The following PCDHGA4 variants were observed in gnomAD, a reference collection of about 807,000 sequenced individuals.
The protein encoded by PCDHGA4 is protocadherin gamma-A4.
A neutral mutation model predicts 54.6 loss-of-function variants in PCDHGA4; 38 were observed. That is an observed-to-expected ratio of 0.70 (90% CI 0.54 to 0.91). The LOEUF is 0.91. Ranked by LOEUF, PCDHGA4 falls within the 40% of genes least tolerant of loss-of-function variation. The pLI, the probability that PCDHGA4 is intolerant of heterozygous loss-of-function variation, is 0.00. For synonymous variants in PCDHGA4, 511 were observed against 512.9 expected, an observed-to-expected ratio of 1.00 and a Z score of 0.05; for missense variants, 1,298 against 1,220.9, an observed-to-expected ratio of 1.06 and a Z score of -0.94.
chr5:141,361,508 T>A (rs1762052738), intron 1 of PCDHGA4: 1 of 1,613,910 alleles, frequency 6.2e-7, no homozygotes, highest in Admixed American at 1.7e-5. Context: ...ACTTCCTACA[T>A]GGTTCACGTG....
intron 1 of PCDHGA4, chr5:141,362,192 C>T: frequency 6.2e-7 from 1 of 1,614,038 alleles, no homozygotes; most frequent in Non-Finnish European, 8.5e-7. Flanking sequence ...GACCCCCAGG[C>T]AAAACTGCAG....
intron 1 of PCDHGA4, chr5:141,378,539 A>G (rs891154115): frequency 5.3e-5 from 8 of 152,296 alleles, no homozygotes; most frequent in African/African-American, 1.9e-4. Flanking sequence ...TAATAATGAT[A>G]ATTAATAAAT....
At chr5:141,474,156 A>C (rs1387216017) in intron 1 of PCDHGA4, among the ~76,000 whole-genome samples, 1 of 152,244 alleles carries the variant, frequency 6.6e-6, no homozygotes, top group East Asian at 1.9e-4. Flanking sequence ...CAAGAAAATG[A>C]CAGGCCTTAT....
At position 141,368,129 on chromosome 5, in the gene PCDHGA4, C is replaced by A. The variant is rs1188754487; in HGVS notation, c.2514+10508C>A. ...TGTTTCTTATTAAAATATTCTTAAT[C>A]CTTCAAATTTTGTACTTTTAAAACC... On this transcript the variant is annotated intron_variant, in intron 1 of 3. Transcript: ENST00000571252. Among the ~76,000 whole-genome samples, 9 of 152,216 alleles carry A rather than the reference C, an allele frequency of 5.9e-5. No individual in the cohort carries two copies. In the South Asian group the frequency reaches 1.2e-3, roughly 21 times the overall value.
intron 1 of PCDHGA4, among the ~76,000 whole-genome samples, chr5:141,466,292 T>C (rs1050311680): frequency 3.3e-5 from 5 of 152,134 alleles, no homozygotes; most frequent in Non-Finnish European, 5.9e-5. Context: ...CACCTCAGGC[T>C]CCCAAGTAGC....
In PCDHGA4 at chr5:141,356,899, T is replaced by C; in HGVS notation, c.1792T>C (p.Phe598Leu). 6.2e-7 allele frequency: 1 copy of C among 1,614,188 alleles called. No individual in the cohort carries two copies. The highest frequency in any genetic ancestry group is 1.3e-5 in the African/African-American group (1 of 75,060). Reference protein sequence around the residue: ...DNVPEILYPTFPTDGSTGVEL... With the variant: ...DNVPEILYPTLPTDGSTGVEL... Reference sequence around the variant, plus strand: ...TGTCCCTGAGATCCTGTACCCCACCTTCCCTACTGATGGCTCCACTGGTGT... The same window carrying C: ...TGTCCCTGAGATCCTGTACCCCACCCTCCCTACTGATGGCTCCACTGGTGT... The change falls in exon 1 of 4, where the codon TTC becomes CTC. Residue 598 changes from phenylalanine (F) to leucine (L), a missense_variant. Phe to Leu is a conservative substitution (Grantham distance 22, BLOSUM62 0). Coordinates refer to ENST00000571252, the MANE Select transcript of PCDHGA4 (RefSeq NM_018917.4).
rs1760093561 is a variant in PCDHGA4, at chr5:141,356,064, A to G, written c.957A>G (p.Ile319Met). Reference sequence around the variant, plus strand: ...CTTTCCGGAAAGTAAGAGACAAAATATCACAGCTATTTCAGTTGAATTCTC... The same window carrying G: ...CTTTCCGGAAAGTAAGAGACAAAATGTCACAGCTATTTCAGTTGAATTCTC... ...TYSFRKVRDKISQLFQLNSLS... is the reference protein window; with the variant it reads ...TYSFRKVRDKMSQLFQLNSLS... Residue 319 changes from isoleucine (I) to methionine (M), a missense_variant, in exon 1 of 4, where the codon ATA becomes ATG. Coordinates refer to ENST00000571252, the MANE Select transcript of PCDHGA4 (RefSeq NM_018917.4). The G allele has an allele frequency of 6.2e-7, 1 of 1,613,926 alleles. No individual in the cohort carries two copies. Among genetic ancestry groups the G allele is most frequent in the Non-Finnish European group, 8.5e-7 (1 of 1,179,864 alleles).
intron 1 of PCDHGA4, chr5:141,402,959 G>C: frequency 1.2e-5 from 19 of 1,604,470 alleles, no homozygotes; most frequent in Non-Finnish European, 1.5e-5. Context: ...AGCAATGGCA[G>C]CTCCAACCAA....
rs759742074 is a variant in PCDHGA4 at position 141,403,012 on chromosome 5, G to T, written c.2514+45391G>T. On this transcript the variant is annotated intron_variant, in intron 1 of 3. Transcript: ENST00000571252. ...GATTAGTCCTGCTATGCTCGCTCCT[G>T]GGGATGCTATGGGAGGCCAGGGCCA... 8.1e-6 allele frequency: 13 copies of T among 1,614,072 alleles called. 1 individual carries two copies. The South Asian group carries it at 1.4e-4, about 18-fold the overall frequency.
intron 2 of PCDHGA4, among the ~76,000 whole-genome samples, chr5:141,499,298 C>A (rs1239333151): frequency 6.6e-6 from 1 of 152,210 alleles, no homozygotes; most frequent in African/African-American, 2.4e-5. Context: ...ACACTACCAT[C>A]CCTCCTCTGA....
intron 1 of PCDHGA4, among the ~76,000 whole-genome samples, chr5:141,456,919 C>T (rs2098898169): frequency 1.3e-5 from 2 of 152,124 alleles, no homozygotes; most frequent in South Asian, 4.1e-4. Context: ...GCCGAGATCG[C>T]ACCACTGCAC....
intron 1 of PCDHGA4, chr5:141,361,052 A>T: frequency 6.2e-7 from 1 of 1,613,800 alleles, no homozygotes; most frequent in South Asian, 1.1e-5. Flanking sequence ...ACAAAGGATG[A>T]TTTGGATTTT....
At chr5:141,399,625 T>C (rs1270466401) in intron 1 of PCDHGA4, 9 of 1,613,796 alleles carry the variant, frequency 5.6e-6, no homozygotes, top group African/African-American at 1.3e-5. Context: ...ACTGGCCTCT[T>C]ACGTGTCCAT....
chr5:141,500,114 G>A (rs72790070), intron 2 of PCDHGA4, among the ~76,000 whole-genome samples: 10,550 of 151,670 alleles, frequency 0.07, 640 homozygotes, highest in African/African-American at 0.16. Flanking sequence ...TTGAATCCCT[G>A]CCTTTTCATA....
intron 1 of PCDHGA4, among the ~76,000 whole-genome samples, chr5:141,387,085 C>T (rs1242993034): frequency 6.6e-6 from 1 of 152,168 alleles, no homozygotes; most frequent in African/African-American, 2.4e-5. Flanking sequence ...TGCCTGTGAT[C>T]ATCGAAATGA....
chr5:141,490,380 T>C lies in PCDHGA4; in HGVS notation c.2515-4427T>C, dbSNP rs1246254637. 1 of 1,614,204 alleles carries C rather than the reference T, an allele frequency of 6.2e-7. No individual in the cohort carries two copies. ...TTAATGTGCGAGACCGGGACTCAGGTAGAAATGGTGAAGTGAGCCTTGATA... is the reference window on the plus strand; with the variant it reads ...TTAATGTGCGAGACCGGGACTCAGGCAGAAATGGTGAAGTGAGCCTTGATA... On this transcript the variant is annotated intron_variant, in intron 1 of 3. Coordinates refer to ENST00000571252, the MANE Select transcript of PCDHGA4 (RefSeq NM_018917.4). This position sits in a 1 kb window ranked among gnomAD's most constrained non-coding sequence, Gnocchi z 5.4.
In PCDHGA4 at chr5:141,400,695, G is replaced by A. The variant is rs187552551; in HGVS notation, c.2514+43074G>A. On this transcript the variant is annotated intron_variant, in intron 1 of 3. Transcript: ENST00000571252. The stretch of plus-strand genomic sequence containing the variant: ...GCAGTAAATTGTGAGTTTTTATGTC[G>A]CATAAAAGAAGTAGCCTTATAGATT... 1.8e-5 allele frequency: 14 copies of A among 759,510 alleles called. No homozygotes were observed. The Admixed American group carries it at 4.0e-4, about 22-fold the overall frequency. The allele number at this position is 759,510 out of a possible 1,614,324, so 47.0% of individuals were successfully genotyped here.
rs992096722 is a variant in PCDHGA4, at chr5:141,413,506, A to G, written c.2514+55885A>G. 3 of 1,613,910 alleles carry G rather than the reference A, an allele frequency of 1.9e-6. No individual in the cohort carries two copies. The highest frequency in any genetic ancestry group is 2.7e-5 in the African/African-American group (2 of 74,954). On this transcript the variant is annotated intron_variant, in intron 1 of 3. Coordinates refer to ENST00000571252, the MANE Select transcript of PCDHGA4 (RefSeq NM_018917.4). ...GAGCGCGCGGTGCGTGGTGAGTTTT[A>G]ATATCCTTGTGGAAGACAGGGTGAA... is the stretch of plus-strand genomic sequence containing the variant.
intron 1 of PCDHGA4, among the ~76,000 whole-genome samples, chr5:141,444,315 G>A (rs2098431855): frequency 6.6e-6 from 1 of 151,946 alleles, no homozygotes; most frequent in South Asian, 2.1e-4. Flanking sequence ...AGGATTACAG[G>A]CATGTGCCAC....
Sources: allele counts gnomAD v4.1 joint callset (sites outside exome capture counted in the v4.1 genomes callset), GRCh38; gene constraint gnomAD v4.1.1; non-coding constraint Gnocchi (gnomAD v3.1); transcripts MANE v1.5; gene names NCBI Gene and HGNC (gene_info 2026-07-23, HGNC 2026-07-21).